NDST3: variants seen among roughly 807,000 people sequenced by gnomAD.
NDST3 encodes the protein bifunctional heparan sulfate N-deacetylase/N-sulfotransferase 3.
Under a neutral mutation model 96.1 loss-of-function variants are expected in NDST3, and 58 were observed. That is an observed-to-expected ratio of 0.60 (90% CI 0.49 to 0.75). The LOEUF is 0.75. Ranked by LOEUF, NDST3 falls within the 30% of genes least tolerant of loss-of-function variation. The pLI, the probability that NDST3 is intolerant of heterozygous loss-of-function variation, is 0.00. For missense variants in NDST3, 788 were observed against 1,034.2 expected, an observed-to-expected ratio of 0.76 and a Z score of 3.27; for synonymous variants, 333 against 359.7, an observed-to-expected ratio of 0.93 and a Z score of 0.84.
chr4:118,234,729 T>G (rs896258204), intron 9 of NDST3, among the ~76,000 whole-genome samples: 32 of 151,942 alleles, frequency 2.1e-4, no homozygotes, highest in African/African-American at 7.7e-4. Flanking sequence ...CTAGGTACTC[T>G]AATAGGAACA....
intron 12 of NDST3, among the ~76,000 whole-genome samples, chr4:118,249,968 C>A (rs150364876): frequency 6.6e-6 from 1 of 152,196 alleles, no homozygotes; most frequent in East Asian, 1.9e-4. Context: ...CCCTAGGAAT[C>A]ATCAAGCTAC....
At chr4:118,126,268 T>C (rs540832567) in intron 4 of NDST3, among the ~76,000 whole-genome samples, 1 of 151,974 alleles carries the variant, frequency 6.6e-6, no homozygotes, top group Non-Finnish European at 1.5e-5. Flanking sequence ...CCCTGCAACA[T>C]CTACTATCCT....
chr4:118,112,153 C>T (rs1730693931), intron 3 of NDST3, among the ~76,000 whole-genome samples: 1 of 151,724 alleles, frequency 6.6e-6, no homozygotes, highest in African/African-American at 2.4e-5. Flanking sequence ...ATTTGTCTAA[C>T]TCTTGCATGA....
intron 2 of NDST3, among the ~76,000 whole-genome samples, chr4:118,058,170 A>G (rs893437518): frequency 6.6e-5 from 10 of 152,000 alleles, no homozygotes; most frequent in Non-Finnish European, 1.3e-4. Context: ...AGTTACATAA[A>G]CTGTTATGTA....
At chr4:118,172,312 T>C (rs1397034475) in intron 6 of NDST3, among the ~76,000 whole-genome samples, 1 of 152,182 alleles carries the variant, frequency 6.6e-6, no homozygotes, top group East Asian at 1.9e-4. Flanking sequence ...TCCTTTAATG[T>C]TATGATTCCA....
chr4:118,047,119 G>A (rs1050666064), intron 1 of NDST3, among the ~76,000 whole-genome samples: 1 of 152,162 alleles, frequency 6.6e-6, no homozygotes, highest in African/African-American at 2.4e-5. Flanking sequence ...TCATCTACTG[G>A]ATCCCAGCCC....
At chr4:118,123,708 G>A (rs2125877619) in intron 4 of NDST3, among the ~76,000 whole-genome samples, 1 of 152,130 alleles carries the variant, frequency 6.6e-6, no homozygotes, top group South Asian at 2.1e-4. Flanking sequence ...GTTTACTTAT[G>A]AGACACTCAA....
chr4:118,058,602 T>TGC (rs1356897453), intron 2 of NDST3, among the ~76,000 whole-genome samples: 1 of 33,770 alleles, frequency 3.0e-5, no homozygotes, highest in African/African-American at 4.5e-5. Flanking sequence ...AAAGTGTGTG[T>TGC]GTGTGTGTGT....
chr4:118,109,630 C>T (rs1730481236), intron 3 of NDST3, among the ~76,000 whole-genome samples: 2 of 152,272 alleles, frequency 1.3e-5, no homozygotes, highest in East Asian at 1.9e-4. Context: ...TTCCACAAAA[C>T]TTAGCCAGGG....
intron 4 of NDST3, among the ~76,000 whole-genome samples, chr4:118,127,111 GA>G (rs1414624928): frequency 1.3e-5 from 2 of 151,832 alleles, no homozygotes; most frequent in African/African-American, 4.8e-5. Context: ...GTCAGATGGG[GA>G]GTTTGCAAAT....
chr4:118,203,369 A>G (rs2125981484), intron 6 of NDST3, among the ~76,000 whole-genome samples: 1 of 152,294 alleles, frequency 6.6e-6, no homozygotes, highest in African/African-American at 2.4e-5. Context: ...GATTTTTTGA[A>G]TAATTTCAGT....
intron 6 of NDST3, among the ~76,000 whole-genome samples, chr4:118,215,351 G>C (rs1350965749): frequency 6.6e-6 from 1 of 152,106 alleles, no homozygotes; most frequent in Non-Finnish European, 1.5e-5. Context: ...ATGTTCAATG[G>C]AGTAGATTGG....
At chr4:118,113,925 A>C (rs1431986683) in intron 3 of NDST3, among the ~76,000 whole-genome samples, 2 of 152,164 alleles carry the variant, frequency 1.3e-5, no homozygotes, top group African/African-American at 4.8e-5. Flanking sequence ...AGTAAAGAAG[A>C]TATGCCTAGG....
intron 2 of NDST3, among the ~76,000 whole-genome samples, chr4:118,081,502 C>A (rs949704647): frequency 1.3e-5 from 2 of 152,064 alleles, no homozygotes; most frequent in African/African-American, 4.8e-5. Flanking sequence ...AAATTTACTT[C>A]TTTCTTAATG....
intron 6 of NDST3, among the ~76,000 whole-genome samples, chr4:118,223,861 A>T (rs972061089): frequency 2.6e-5 from 4 of 152,136 alleles, no homozygotes; most frequent in African/African-American, 9.7e-5. Flanking sequence ...GCCATTAAAA[A>T]TCTCATGCAG....
intron 2 of NDST3, among the ~76,000 whole-genome samples, chr4:118,100,223 C>A (rs749215535): frequency 1.3e-5 from 2 of 151,970 alleles, no homozygotes; most frequent in Non-Finnish European, 2.9e-5. Flanking sequence ...GGAGGAAGGG[C>A]AAATTCACTC....
At chr4:118,186,363 G>C (rs1455908623) in intron 6 of NDST3, among the ~76,000 whole-genome samples, 1 of 152,120 alleles carries the variant, frequency 6.6e-6, no homozygotes, top group Non-Finnish European at 1.5e-5. Flanking sequence ...CATATAAAAA[G>C]GGAAGTTTAT....
In NDST3 at chr4:118,041,485, CCTGT is replaced by C. The variant is rs1267893070; in HGVS notation, c.-156+6896_-156+6899del. On this transcript the variant is annotated intron_variant, in intron 1 of 13. Transcript: ENST00000296499. ...TCTCGAACCTAACTATTTCAGAATGCCTGTCTAAGTGATCTGTTGATTTTCAAAA... is the reference window on the plus strand; with the variant it reads ...TCTCGAACCTAACTATTTCAGAATGCCTAAGTGATCTGTTGATTTTCAAAA... 2.0e-5 allele frequency among the ~76,000 whole-genome samples: 3 copies of C among 152,250 alleles called. No individual in the cohort carries two copies. The East Asian group carries it at 5.8e-4, about 29-fold the overall frequency.
At chr4:118,150,200 T>G (rs1734289334) in intron 6 of NDST3, among the ~76,000 whole-genome samples, 2 of 152,180 alleles carry the variant, frequency 1.3e-5, no homozygotes, top group African/African-American at 4.8e-5. Context: ...TCATCAAGGA[T>G]ATTGGTCTAA....
Sources: gnomAD v4.1 joint callset for allele counts (sites outside exome capture counted in the v4.1 genomes callset) on GRCh38, gnomAD v4.1.1 for gene constraint, MANE v1.5 for transcripts, NCBI Gene and HGNC (gene_info 2026-07-23, HGNC 2026-07-21) for gene names.